DLGAP1: variants seen among roughly 807,000 people sequenced by gnomAD.
The protein encoded by DLGAP1 is DLG associated protein 1, also known as disks large-associated protein 1.
In DLGAP1, 11 loss-of-function variants were observed where a neutral mutation model predicts 90.8. The observed-to-expected ratio is 0.12, with a 90% CI of 0.08 to 0.20. The LOEUF (loss-of-function observed/expected upper bound fraction) is 0.20, where lower values mean the gene tolerates loss of function less well. Ranked by LOEUF, DLGAP1 falls within the 10% of genes least tolerant of loss-of-function variation. DLGAP1 has a pLI of 1.00. For synonymous variants in DLGAP1, 558 were observed against 540.7 expected (o/e 1.03, Z -0.44); for missense variants, 1,050 against 1,333.8 (o/e 0.79, Z 3.31).
intron 2 of DLGAP1, among the ~76,000 whole-genome samples, chr18:4,040,186 C>T (rs991227115): frequency 6.6e-6 from 1 of 152,178 alleles, no homozygotes; most frequent in Admixed American, 6.5e-5. Flanking sequence ...TGATCCTGGG[C>T]AAATTCCTTA....
At chr18:3,620,206 C>T (rs951245467) in intron 7 of DLGAP1, among the ~76,000 whole-genome samples, 5 of 151,994 alleles carry the variant, frequency 3.3e-5, no homozygotes, top group African/African-American at 1.2e-4. Context: ...GAGACAAAGA[C>T]GATGATGTGA....
intron 3 of DLGAP1, among the ~76,000 whole-genome samples, chr18:3,911,738 T>C (rs185061694): frequency 4.6e-5 from 7 of 152,368 alleles, no homozygotes; most frequent in Admixed American, 4.6e-4. Flanking sequence ...GAACAAGACT[T>C]GATTCCTTTT....
intron 2 of DLGAP1, among the ~76,000 whole-genome samples, chr18:4,118,462 C>T (rs2076098114): frequency 6.6e-6 from 1 of 152,148 alleles, no homozygotes; most frequent in South Asian, 2.1e-4. Flanking sequence ...ATCAGGGCCT[C>T]ACTATTCTCT....
At chr18:3,850,035 T>G (rs1365380826) in intron 4 of DLGAP1, among the ~76,000 whole-genome samples, 1 of 152,168 alleles carries the variant, frequency 6.6e-6, no homozygotes, top group South Asian at 2.1e-4. Flanking sequence ...AGATTCAATA[T>G]TAGTCAAACA....
intron 4 of DLGAP1, among the ~76,000 whole-genome samples, chr18:3,829,789 G>A (rs1006490658): frequency 5.9e-5 from 9 of 152,074 alleles, no homozygotes; most frequent in African/African-American, 1.9e-4. Context: ...TTTTAACCAC[G>A]TGTATACAAT....
In DLGAP1 at chr18:3,880,136, G is replaced by C; in HGVS notation, c.-68C>G. The C allele has an allele frequency of 7.0e-7, 1 of 1,433,724 alleles. No homozygotes were observed. 88.8% of individuals were successfully genotyped at this position (1,433,724 alleles called of 1,614,324 possible). ...TCAGGCTCCAGACCCGTCTTGGGCA[G>C]GGATCTGGGGGAATGAAGAAAAGGG... On this transcript the variant is annotated 5_prime_UTR_variant, in exon 4 of 13. Coordinates refer to ENST00000315677, the MANE Select transcript of DLGAP1 (RefSeq NM_004746.4).
intron 2 of DLGAP1, among the ~76,000 whole-genome samples, chr18:4,011,157 C>G (rs1164327702): frequency 8.1e-6 from 1 of 123,294 alleles, no homozygotes; most frequent in Non-Finnish European, 1.6e-5. Flanking sequence ...GCCTGGGAGA[C>G]AGAGCAAGAT....
intron 2 of DLGAP1, among the ~76,000 whole-genome samples, chr18:4,006,781 G>A (rs927985728): frequency 6.6e-6 from 1 of 151,902 alleles, no homozygotes; most frequent in African/African-American, 2.4e-5. Context: ...AAATAGCTGA[G>A]ACTACAGGGA....
At chr18:3,714,507 C>T (rs1182526034) in intron 7 of DLGAP1, among the ~76,000 whole-genome samples, 1 of 152,162 alleles carries the variant, frequency 6.6e-6, no homozygotes, top group Non-Finnish European at 1.5e-5. Context: ...ATGTTCATGA[C>T]AAAACCTAAG....
chr18:3,590,443 G>A (rs1300983359), intron 7 of DLGAP1, among the ~76,000 whole-genome samples: 3 of 152,076 alleles, frequency 2.0e-5, no homozygotes, highest in African/African-American at 4.8e-5. Context: ...TCAGAGAGCC[G>A]GTTGTTAAGC....
chr18:4,288,932 T>C (rs2079775959), intron 1 of DLGAP1, among the ~76,000 whole-genome samples: 1 of 152,162 alleles, frequency 6.6e-6, no homozygotes, highest in Non-Finnish European at 1.5e-5. Context: ...GGGAGTTGGA[T>C]GTAGAGGCTG....
At chr18:3,826,819 TAGAATCAGAG>T (rs1163578192) in intron 4 of DLGAP1, among the ~76,000 whole-genome samples, 2 of 151,900 alleles carry the variant, frequency 1.3e-5, no homozygotes, top group Non-Finnish European at 2.9e-5. Context: ...GCAACAAGAG[TAGAATCAGAG>T]ACCCTTGGAG....
intron 3 of DLGAP1, among the ~76,000 whole-genome samples, chr18:3,910,125 C>T (rs116398392): frequency 1.1e-3 from 168 of 149,748 alleles, no homozygotes; most frequent in African/African-American, 3.9e-3. Context: ...TACCTGCTGT[C>T]GGCTATCTAG....
At chr18:3,891,668 C>T (rs879052405) in intron 3 of DLGAP1, among the ~76,000 whole-genome samples, 3 of 152,158 alleles carry the variant, frequency 2.0e-5, no homozygotes, top group Non-Finnish European at 4.4e-5. Flanking sequence ...TGCATGATCT[C>T]ATTTTAATCT....
At chr18:3,629,650 C>T (rs776653247) in intron 7 of DLGAP1, among the ~76,000 whole-genome samples, 42 of 151,522 alleles carry the variant, frequency 2.8e-4, no homozygotes, top group Non-Finnish European at 5.0e-4. Flanking sequence ...CCAGCCTGGG[C>T]AACAGAGTGA....
chr18:3,579,565 A>ACAG (rs1310449186), intron 8 of DLGAP1, among the ~76,000 whole-genome samples: 1 of 152,210 alleles, frequency 6.6e-6, no homozygotes, highest in Non-Finnish European at 1.5e-5. Context: ...GATTTATTCA[A>ACAG]CAGCAAATTG....
intron 1 of DLGAP1, among the ~76,000 whole-genome samples, chr18:4,191,297 A>G (rs2077395500): frequency 6.6e-6 from 1 of 152,144 alleles, no homozygotes; most frequent in African/African-American, 2.4e-5. Flanking sequence ...ATGTTCCTTT[A>G]ACCTAGTAAT....
At chr18:3,893,592 A>ATAT (rs1251680991) in intron 3 of DLGAP1, among the ~76,000 whole-genome samples, 1 of 146,930 alleles carries the variant, frequency 6.8e-6, no homozygotes, top group Non-Finnish European at 1.5e-5. Flanking sequence ...AATAATAATA[A>ATAT]TAATAATAAT....
chr18:3,618,035 C>T (rs2057943303), intron 7 of DLGAP1, among the ~76,000 whole-genome samples: 1 of 151,988 alleles, frequency 6.6e-6, no homozygotes, highest in Admixed American at 6.6e-5. Flanking sequence ...GAAACTCCAT[C>T]TCAAAAGAAA....
Sources: gnomAD v4.1 joint callset for allele counts (sites outside exome capture counted in the v4.1 genomes callset) on GRCh38, gnomAD v4.1.1 for gene constraint, MANE v1.5 for transcripts, NCBI Gene and HGNC (gene_info 2026-07-23, HGNC 2026-07-21) for gene names.